Variants in RAD52 observed in about 807,000 individuals in gnomAD.
The protein encoded by RAD52 is RAD52 DNA repair protein, also known as DNA repair protein RAD52 homolog.
A neutral mutation model predicts 55.5 loss-of-function variants in RAD52; 47 were observed. The observed-to-expected ratio is 0.85, with a 90% CI of 0.67 to 1.08. The LOEUF (loss-of-function observed/expected upper bound fraction) is 1.08, where lower values mean the gene tolerates loss of function less well. Among genes scored for constraint, RAD52 ranks in the 50% least tolerant of loss-of-function variants. The probability of loss-of-function intolerance (pLI) is 0.00; values close to 1 mark genes in which losing one functional copy is unlikely to be tolerated. For synonymous variants in RAD52, 184 were observed against 198.9 expected (o/e 0.92, Z 0.63); for missense variants, 468 against 522.8 (o/e 0.90, Z 1.02).
intron 10 of RAD52, 27 bp downstream of exon 10, chr12:914,404 A>C: frequency 6.2e-7 from 1 of 1,613,052 alleles, no homozygotes; most frequent in South Asian, 1.1e-5. Context: ...ACAGCACAGT[A>C]GCTTACAAGC....
At chr12:983,349 C>A (rs1592501022) in intron 1 of RAD52, among the ~76,000 whole-genome samples, 1 of 151,476 alleles carries the variant, frequency 6.6e-6, no homozygotes, top group Admixed American at 6.6e-5. Flanking sequence ...AATTTATTTG[C>A]CATAATTTTG....
At chr12:950,717 TATC>T (rs1958507813), upstream of RAD52, among the ~76,000 whole-genome samples, 1 of 151,748 alleles carries the variant, frequency 6.6e-6, no homozygotes, top group Non-Finnish European at 1.5e-5. Flanking sequence ...CTAGCCCACT[TATC>T]ATTCTTTTTG....
chr12:969,721 T>A (rs1044891781), intron 1 of RAD52, among the ~76,000 whole-genome samples: 1 of 151,324 alleles, frequency 6.6e-6, no homozygotes, highest in African/African-American at 2.4e-5. Flanking sequence ...AGCCCAGGAG[T>A]TGAGGCTACA....
chr12:939,052 T>TTGTGTGTG (rs1555176185), intron 1 of RAD52, among the ~76,000 whole-genome samples: 1,954 of 141,114 alleles, frequency 0.014, 17 homozygotes, highest in East Asian at 0.031. Context: ...ATTCAACTAA[T>TTGTGTGTG]TGTGTGTGTG....
rs528541120 is a variant in RAD52 at position 926,673 on chromosome 12, A to T, written c.467+472T>A. On this transcript the variant is annotated intron_variant, in intron 6 of 11. Transcript: ENST00000358495. ...ACCAGGCTTCCAGTACAGTCCACAGAATCATAAGCCAATCAAACCTCCTTT... is the reference window on the plus strand; with the variant it reads ...ACCAGGCTTCCAGTACAGTCCACAGTATCATAAGCCAATCAAACCTCCTTT... 104 of 1,079,832 alleles carry T rather than the reference A, an allele frequency of 9.6e-5. No homozygotes were observed. In the African/African-American group the frequency reaches 1.4e-3, roughly 15 times the overall value. The allele number at this position is 1,079,832 out of a possible 1,614,324, so 66.9% of individuals were successfully genotyped here. A position where few individuals can be genotyped will look rare whatever the true frequency, so the allele number is the denominator to read the frequency against.
chr12:935,359 G>T (rs1957556735), intron 1 of RAD52, among the ~76,000 whole-genome samples: 1 of 149,134 alleles, frequency 6.7e-6, no homozygotes, highest in South Asian at 2.1e-4. Flanking sequence ...TTAACCAGCA[G>T]CATCACCATC....
chr12:930,104 T>G lies in RAD52; in HGVS notation c.227A>C (p.Asn76Thr). Residue 76 changes from asparagine (N) to threonine (T), a missense_variant, in exon 4 of 12, where the codon AAT becomes ACT. Asn to Thr is a moderately conservative substitution (Grantham distance 65, BLOSUM62 0). Transcript: ENST00000358495. The stretch of plus-strand genomic sequence containing the variant: ...CCAGCCATTGTAACCAAACATCTCA[T>G]TGGCCAGATTAATTACCCGATGACC... ...IEGHRVINLA[N>T]EMFGYNGWAH... 1 of 1,614,066 alleles carries G rather than the reference T, an allele frequency of 6.2e-7. No homozygotes were observed. Among genetic ancestry groups the G allele is most frequent in the Non-Finnish European group, 8.5e-7 (1 of 1,179,966 alleles).
chr12:961,822 C>T (rs1187717095), intron 1 of RAD52, among the ~76,000 whole-genome samples: 2 of 152,078 alleles, frequency 1.3e-5, no homozygotes, highest in African/African-American at 4.8e-5. Context: ...AAGATCAATC[C>T]ACTGCACTGC....
intron 1 of RAD52, among the ~76,000 whole-genome samples, chr12:957,408 G>C (rs1958621903): frequency 7.1e-6 from 1 of 140,488 alleles, no homozygotes; most frequent in Non-Finnish European, 1.5e-5. Context: ...GGAGGTTGCA[G>C]TGACCCAAGA....
intron 1 of RAD52, among the ~76,000 whole-genome samples, chr12:936,159 C>G (rs1453874159): frequency 6.6e-6 from 1 of 151,838 alleles, no homozygotes; most frequent in Non-Finnish European, 1.5e-5. Flanking sequence ...CAAAACTTAG[C>G]CAGATGCAGT....
intron 2 of RAD52, 79 bp from the exon 3 acceptor site, chr12:931,400 T>G: frequency 9.2e-7 from 1 of 1,082,554 alleles, no homozygotes. Context: ...TTATGGAGAC[T>G]TTATACTCTT....
intron 1 of RAD52, among the ~76,000 whole-genome samples, chr12:938,958 C>T (rs1043176744): frequency 1.3e-5 from 2 of 151,816 alleles, no homozygotes; most frequent in South Asian, 2.1e-4. Context: ...TTCTGTAGGA[C>T]AATGGCCTAT....
chr12:925,665 T>C (rs1239910806), intron 6 of RAD52, 140 bp from the exon 7 acceptor site: 8 of 667,650 alleles, frequency 1.2e-5, no homozygotes, highest in Non-Finnish European at 2.2e-5. Context: ...TCCCCATTGA[T>C]GTCTGGTAAG....
chr12:942,350 G>A (rs1238551698), intron 1 of RAD52, among the ~76,000 whole-genome samples: 3 of 152,136 alleles, frequency 2.0e-5, no homozygotes, highest in Non-Finnish European at 2.9e-5. Flanking sequence ...AATGGTGCTG[G>A]AATGACTGGA....
At chr12:914,184 G>A in intron 10 of RAD52, 63 bp from the exon 11 acceptor site, 1 of 1,476,954 alleles carries the variant, frequency 6.8e-7, no homozygotes, top group Non-Finnish European at 9.3e-7. Context: ...AGAAAGCACT[G>A]GAAAAACTGG....
upstream of RAD52, among the ~76,000 whole-genome samples, chr12:950,577 A>AAG (rs1298709318): frequency 3.3e-5 from 5 of 151,194 alleles, no homozygotes; most frequent in African/African-American, 1.2e-4. Context: ...GTCTCAAAAA[A>AAG]AAAAAAAAAA....
intron 1 of RAD52, among the ~76,000 whole-genome samples, chr12:937,307 G>A (rs1957688665): frequency 6.6e-6 from 1 of 152,048 alleles, no homozygotes; most frequent in Non-Finnish European, 1.5e-5. Context: ...TGCTTCCTGA[G>A]AGCACACTTC....
intron 1 of RAD52, among the ~76,000 whole-genome samples, chr12:971,175 A>G (rs1301446694): frequency 2.0e-5 from 3 of 152,196 alleles, no homozygotes; most frequent in Non-Finnish European, 4.4e-5. Flanking sequence ...TTGGGGCCTA[A>G]TATTTCCCTT....
chr12:968,979 T>TA (rs981803734), intron 1 of RAD52, among the ~76,000 whole-genome samples: 1 of 152,090 alleles, frequency 6.6e-6, no homozygotes, highest in African/African-American at 2.4e-5. Context: ...CAACTGGAGA[T>TA]AAAAAATATT....
Sources: gnomAD v4.1 joint callset for allele counts (sites outside exome capture counted in the v4.1 genomes callset) on GRCh38, gnomAD v4.1.1 for gene constraint, MANE v1.5 for transcripts, NCBI Gene and HGNC (gene_info 2026-07-23, HGNC 2026-07-21) for gene names.